Variants in EPG5 observed in about 807,000 individuals in gnomAD.
EPG5 encodes ectopic P granules protein 5 homolog.
Under a neutral mutation model 302.7 loss-of-function variants are expected in EPG5, and 159 were observed. That is an observed-to-expected ratio of 0.53 (90% CI 0.46 to 0.60). The LOEUF (loss-of-function observed/expected upper bound fraction) is 0.60. Ranked by LOEUF, EPG5 falls within the 20% of genes least tolerant of loss-of-function variation. The pLI is 0.00. For missense variants in EPG5, 2,896 were observed against 3,092.4 expected (o/e 0.94, Z 1.51); for synonymous variants, 1,158 against 1,136.8 (o/e 1.02, Z -0.37).
At chr18:45,804,622 C>T in the EPG5 span, among the ~76,000 whole-genome samples, 1 of 152,100 alleles carries the variant, frequency 6.6e-6, no homozygotes, top group Non-Finnish European at 1.5e-5. Context: ...ATTCTCAAAG[C>T]ACTAAAAGCA....
chr18:45,953,770 T>C (rs1460821242), intron 2 of EPG5: 1 of 985,244 alleles, frequency 1.0e-6, no homozygotes, highest in Non-Finnish European at 1.2e-6. Flanking sequence ...ACTGGCATCA[T>C]CCTGGAGCTA....
intron 35 of EPG5, among the ~76,000 whole-genome samples, chr18:45,873,809 T>G (rs933028161): frequency 7.9e-5 from 12 of 151,958 alleles, no homozygotes; most frequent in African/African-American, 2.9e-4. Flanking sequence ...ATAAGATATA[T>G]AAAAGATAAA....
At chr18:45,897,431 T>C (rs187936790) in intron 27 of EPG5, among the ~76,000 whole-genome samples, 65 of 152,088 alleles carry the variant, frequency 4.3e-4, no homozygotes, top group African/African-American at 1.6e-3. Flanking sequence ...TAAAACCGGA[T>C]ACATTTTCAG....
In EPG5 at chr18:45,912,520, T is replaced by C. The variant is rs557347524; in HGVS notation, c.3817-64A>G. ...ACATAAATGCAAACGGTTAACTCTT[T>C]CTAAGTGATCCAACTGAAACACCAA... is the stretch of plus-strand genomic sequence containing the variant. On this transcript the variant is annotated intron_variant, in intron 21 of 43. Transcript: ENST00000282041. 7.9e-5 allele frequency: 114 copies of C among 1,438,694 alleles called. No individual in the cohort carries two copies. In the African/African-American group the frequency reaches 1.5e-3, roughly 19 times the overall value. The allele number at this position is 1,438,694 out of a possible 1,614,324, so 89.1% of individuals were successfully genotyped here. A position where few individuals can be genotyped will look rare whatever the true frequency, so the allele number is the denominator to read the frequency against.
chr18:45,917,463 A>G (rs1296883367), intron 17 of EPG5, among the ~76,000 whole-genome samples: 4 of 152,250 alleles, frequency 2.6e-5, no homozygotes, highest in Non-Finnish European at 4.4e-5. Context: ...AATAAATGAA[A>G]AGGAAAAATA....
the EPG5 span, chr18:45,837,617 T>G: frequency 6.6e-7 from 1 of 1,509,020 alleles, no homozygotes; most frequent in Non-Finnish European, 8.8e-7. Flanking sequence ...GCACCGCCAC[T>G]ACGACGGGCC....
intron 9 of EPG5, among the ~76,000 whole-genome samples, chr18:45,940,571 T>C (rs2050642096): frequency 6.6e-6 from 1 of 152,214 alleles, no homozygotes; most frequent in South Asian, 2.1e-4. Context: ...GGAAGGAGCA[T>C]GTTTCATTGA....
intron 21 of EPG5, among the ~76,000 whole-genome samples, chr18:45,913,194 C>T (rs59137098): frequency 0.093 from 14,101 of 152,098 alleles, 712 homozygotes; most frequent in African/African-American, 0.14. Context: ...TTCGAGAATG[C>T]TGAATTCTTT....
chr18:45,930,666 A>G lies in EPG5; in HGVS notation c.2412+10T>C. ...ATTTTTAGCTGATTTATAAAACTTC[A>G]TATTCTAACCTCATATATCTCCAGA... is the stretch of plus-strand genomic sequence containing the variant. On this transcript the variant is annotated intron_variant, in intron 12 of 43. Transcript: ENST00000282041. The G allele has an allele frequency of 6.5e-7, 1 of 1,542,442 alleles. No individual in the cohort carries two copies. Among genetic ancestry groups the G allele is most frequent in the Non-Finnish European group, 8.7e-7 (1 of 1,147,898 alleles).
intron 31 of EPG5, among the ~76,000 whole-genome samples, chr18:45,880,582 C>T (rs1354616383): frequency 6.6e-6 from 1 of 152,120 alleles, no homozygotes; most frequent in Non-Finnish European, 1.5e-5. Context: ...ACAGAAACAA[C>T]AGTCACAGGA....
chr18:45,820,869 T>C, the EPG5 span, among the ~76,000 whole-genome samples: 26 of 152,306 alleles, frequency 1.7e-4, no homozygotes, highest in Middle Eastern at 3.4e-3. Context: ...TATTCTTACC[T>C]GTTTGAGAAT....
the EPG5 span, among the ~76,000 whole-genome samples, chr18:45,804,590 G>A: frequency 6.6e-6 from 1 of 152,190 alleles, no homozygotes; most frequent in African/African-American, 2.4e-5. Context: ...AGAAGCAATG[G>A]AGGCCAACAC....
chr18:45,932,997 C>T lies in EPG5; in HGVS notation c.2257+1812G>A, dbSNP rs755935464. Among the ~76,000 whole-genome samples the T allele has an allele frequency of 3.9e-5, 6 of 152,110 alleles. No homozygotes were observed. In the East Asian group the frequency reaches 7.7e-4, roughly 20 times the overall value. On this transcript the variant is annotated intron_variant, in intron 11 of 43. Coordinates refer to ENST00000282041, the MANE Select transcript of EPG5 (RefSeq NM_020964.3). ...CACAGAGCCTGGCAGATAGTAAGTC[C>T]GCAATGAAGGGAGATGACACTACAA...
chr18:45,858,589 C>G lies in EPG5; in HGVS notation c.7203G>C (p.Lys2401Asn). 6.2e-7 allele frequency: 1 copy of G among 1,614,192 alleles called. No homozygotes were observed. The highest frequency in any genetic ancestry group is 8.5e-7 in the Non-Finnish European group (1 of 1,180,020). The change falls in exon 41 of 44, where the codon AAG becomes AAC. Residue 2401 changes from lysine to asparagine, a missense_variant. Transcript: ENST00000282041. The part of the protein sequence containing the change: ...NEMKVLLILS[K>N]WLEQVYPSSV... ...ACCTTGGGTACACCTGTTCCAGCCA[C>G]TTGCTTAAGATGAGCAGCACTTTCA...
At chr18:45,801,078 C>T in the EPG5 span, among the ~76,000 whole-genome samples, 1 of 152,040 alleles carries the variant, frequency 6.6e-6, no homozygotes, top group Non-Finnish European at 1.5e-5. Context: ...GCTTTGTCAC[C>T]CAGGCTGGAG....
the EPG5 span, chr18:45,838,729 A>G: frequency 6.3e-7 from 1 of 1,577,404 alleles, no homozygotes; most frequent in East Asian, 2.3e-5. Context: ...CGCGCCGCGG[A>G]TCGTCAACAT....
At chr18:45,859,696 C>T (rs1341095310) in intron 40 of EPG5, among the ~76,000 whole-genome samples, 1 of 152,134 alleles carries the variant, frequency 6.6e-6, no homozygotes, top group Non-Finnish European at 1.5e-5. Context: ...ATGAAAACTC[C>T]TTTTACCAAA....
chr18:45,847,117 G>A (rs574386291), downstream of EPG5, among the ~76,000 whole-genome samples: 1 of 152,336 alleles, frequency 6.6e-6, no homozygotes, highest in East Asian at 1.9e-4. Flanking sequence ...CTGTCCCTAA[G>A]GAATCCCAAA....
At chr18:45,836,917 C>A in the EPG5 span, 3 of 686,316 alleles carry the variant, frequency 4.4e-6, no homozygotes, top group Non-Finnish European at 2.7e-6. Flanking sequence ...TAGAGTGAGG[C>A]GATCCTGAAC....
Sources: gnomAD v4.1 joint callset for allele counts (sites outside exome capture counted in the v4.1 genomes callset) on GRCh38, gnomAD v4.1.1 for gene constraint, MANE v1.5 for transcripts, NCBI Gene and HGNC (gene_info 2026-07-23, HGNC 2026-07-21) for gene names.